Variants in JAKMIP2 observed in about 807,000 individuals in gnomAD.
JAKMIP2 encodes the protein janus kinase and microtubule-interacting protein 2.
In JAKMIP2, 25 loss-of-function variants were observed where a neutral mutation model predicts 115.0. The observed-to-expected ratio is 0.22, with a 90% CI of 0.16 to 0.30. The LOEUF (loss-of-function observed/expected upper bound fraction) is 0.30, where lower values mean the gene tolerates loss of function less well. JAKMIP2 is among the 10% of genes least tolerant of loss of function. The pLI, the probability that JAKMIP2 is intolerant of heterozygous loss-of-function variation, is 1.00. For synonymous variants in JAKMIP2, 334 were observed against 343.6 expected (o/e 0.97, Z 0.31); for missense variants, 642 against 957.6 (o/e 0.67, Z 4.35).
intron 19 of JAKMIP2, among the ~76,000 whole-genome samples, chr5:147,616,311 G>A (rs745725483): frequency 6.6e-6 from 1 of 152,140 alleles, no homozygotes; most frequent in African/African-American, 2.4e-5. Flanking sequence ...ACTGGGAAAG[G>A]CATATTCTAA....
chr5:147,729,404 A>C (rs1268234435), intron 1 of JAKMIP2, among the ~76,000 whole-genome samples: 1 of 152,186 alleles, frequency 6.6e-6, no homozygotes, highest in Non-Finnish European at 1.5e-5. Context: ...GGAGGACAGA[A>C]AAATCACTAA....
Position 147,782,638 on chromosome 5 carries a change from G to A in JAKMIP2, c.-331C>T, listed in dbSNP as rs933608191. On this transcript the variant is annotated 5_prime_UTR_variant, in exon 1 of 22. Coordinates refer to ENST00000616793, the MANE Select transcript of JAKMIP2 (RefSeq NM_001270941.2). Reference sequence around the variant, plus strand: ...GAACCACCCTTCCAGCCCCACTAGAGTATCAGCAATAGAGGCGGCGGCGGC... The same window carrying A: ...GAACCACCCTTCCAGCCCCACTAGAATATCAGCAATAGAGGCGGCGGCGGC... 3.9e-5 allele frequency: 27 copies of A among 699,778 alleles called. No individual in the cohort carries two copies. The highest frequency in any genetic ancestry group is 6.7e-5 in the Non-Finnish European group (26 of 388,924). The allele number at this position is 699,778 out of a possible 1,614,324, so 43.3% of individuals were successfully genotyped here. A position where few individuals can be genotyped will look rare whatever the true frequency, so the allele number is the denominator to read the frequency against.
In JAKMIP2 at chr5:147,601,748, A is replaced by G. The variant is rs1755712013; in HGVS notation, c.*13T>C. On this transcript the variant is annotated 3_prime_UTR_variant, in exon 21 of 22. Coordinates refer to ENST00000616793, the MANE Select transcript of JAKMIP2 (RefSeq NM_001270941.2). ...AATTAAATGGAATCTTACCTTTAAG[A>G]GGCACCTTGACATCAAGGCCATAGA... is the stretch of plus-strand genomic sequence containing the variant. 1 of 1,524,264 alleles carries G rather than the reference A, an allele frequency of 6.6e-7. No homozygotes were observed. Among genetic ancestry groups the G allele is most frequent in the East Asian group, 2.5e-5 (1 of 40,442 alleles). The allele number at this position is 1,524,264 out of a possible 1,614,324, so 94.4% of individuals were successfully genotyped here. A position where few individuals can be genotyped will look rare whatever the true frequency, so the allele number is the denominator to read the frequency against.
intron 2 of JAKMIP2, among the ~76,000 whole-genome samples, chr5:147,662,348 C>T (rs1759046221): frequency 6.6e-6 from 1 of 152,156 alleles, no homozygotes; most frequent in Admixed American, 6.5e-5. Context: ...CAAGCCAACA[C>T]TCCAAGTAGT....
chr5:147,707,421 C>A (rs1363580101), intron 1 of JAKMIP2, among the ~76,000 whole-genome samples: 1 of 152,104 alleles, frequency 6.6e-6, no homozygotes, highest in Non-Finnish European at 1.5e-5. Context: ...CTAGTACATG[C>A]TACAATAAGT....
chr5:147,699,129 A>G (rs1041508233), intron 1 of JAKMIP2, among the ~76,000 whole-genome samples: 1 of 152,242 alleles, frequency 6.6e-6, no homozygotes, highest in Non-Finnish European at 1.5e-5. Flanking sequence ...CTATTATTAC[A>G]TACAGTAGGA....
intron 20 of JAKMIP2, among the ~76,000 whole-genome samples, chr5:147,603,021 G>C (rs1045597971): frequency 6.6e-6 from 1 of 152,156 alleles, no homozygotes; most frequent in African/African-American, 2.4e-5. Context: ...TCGAGAATGA[G>C]AGTAATGGAC....
intron 21 of JAKMIP2, among the ~76,000 whole-genome samples, chr5:147,600,262 G>A (rs1338969481): frequency 6.6e-6 from 1 of 151,896 alleles, no homozygotes; most frequent in African/African-American, 2.4e-5. Flanking sequence ...TTTCTTGACA[G>A]ACAAAGGATA....
intron 16 of JAKMIP2, among the ~76,000 whole-genome samples, chr5:147,625,935 T>C (rs1283080277): frequency 6.6e-6 from 1 of 152,216 alleles, no homozygotes; most frequent in African/African-American, 2.4e-5. Flanking sequence ...AATGTACTTA[T>C]GGCATTGAGT....
At chr5:147,695,999 A>G (rs1752091427) in intron 1 of JAKMIP2, among the ~76,000 whole-genome samples, 1 of 152,178 alleles carries the variant, frequency 6.6e-6, no homozygotes, top group South Asian at 2.1e-4. Flanking sequence ...ATACAACAAT[A>G]TTTTATGGAG....
intron 1 of JAKMIP2, among the ~76,000 whole-genome samples, chr5:147,713,896 C>T (rs2126918667): frequency 6.6e-6 from 1 of 152,278 alleles, no homozygotes; most frequent in African/African-American, 2.4e-5. Context: ...TAAATGAGTA[C>T]TCATGACGAC....
At chr5:147,689,094 G>C (rs975518622) in intron 1 of JAKMIP2, among the ~76,000 whole-genome samples, 2 of 152,194 alleles carry the variant, frequency 1.3e-5, no homozygotes, top group Non-Finnish European at 2.9e-5. Flanking sequence ...GATGCCTGGG[G>C]GGGAAAGCGT....
chr5:147,768,978 A>G (rs549439462), intron 1 of JAKMIP2, among the ~76,000 whole-genome samples: 1 of 152,272 alleles, frequency 6.6e-6, no homozygotes, highest in African/African-American at 2.4e-5. Context: ...AGCATGAAGA[A>G]GCCATTTGGC....
At chr5:147,763,267 T>C (rs1392741033) in intron 1 of JAKMIP2, among the ~76,000 whole-genome samples, 1 of 152,136 alleles carries the variant, frequency 6.6e-6, no homozygotes, top group African/African-American at 2.4e-5. Context: ...TATTCTAAAT[T>C]ACCCCCTTTC....
At chr5:147,713,124 T>C (rs936618295) in intron 1 of JAKMIP2, among the ~76,000 whole-genome samples, 1 of 152,216 alleles carries the variant, frequency 6.6e-6, no homozygotes, top group African/African-American at 2.4e-5. Flanking sequence ...CAGACATCTA[T>C]AGCCAGCAAT....
chr5:147,662,002 C>T (rs1330835563), intron 2 of JAKMIP2: 1 of 151,804 alleles, frequency 6.6e-6, no homozygotes, highest in Non-Finnish European at 1.5e-5. Flanking sequence ...AAATTAGTGC[C>T]TCAAGTGATA....
intron 1 of JAKMIP2, among the ~76,000 whole-genome samples, chr5:147,701,874 C>G (rs1418938388): frequency 6.6e-6 from 1 of 152,096 alleles, no homozygotes; most frequent in Non-Finnish European, 1.5e-5. Flanking sequence ...TATAAATTAC[C>G]CAGTGTAAGG....
chr5:147,716,791 A>G (rs1249584176), intron 1 of JAKMIP2, among the ~76,000 whole-genome samples: 7 of 146,334 alleles, frequency 4.8e-5, no homozygotes, highest in Non-Finnish European at 1.1e-4. Flanking sequence ...CCCATTTTGT[A>G]GGTTGCCTGT....
intron 1 of JAKMIP2, among the ~76,000 whole-genome samples, chr5:147,721,204 G>A (rs183844741): frequency 2.6e-5 from 4 of 151,120 alleles, no homozygotes; most frequent in East Asian, 2.0e-4. Context: ...CAGTCTGCCC[G>A]TTCTCAGATC....
Sources: gnomAD v4.1 joint callset for allele counts (sites outside exome capture counted in the v4.1 genomes callset) on GRCh38, gnomAD v4.1.1 for gene constraint, MANE v1.5 for transcripts, NCBI Gene and HGNC (gene_info 2026-07-23, HGNC 2026-07-21) for gene names.